WIF1: variants seen among roughly 807,000 people sequenced by gnomAD.
WIF1 encodes Wnt inhibitory factor 1.
A neutral mutation model predicts 53.5 loss-of-function variants in WIF1; 35 were observed. That is an observed-to-expected ratio of 0.65 (90% CI 0.50 to 0.87). The LOEUF is 0.87. WIF1 is among the 40% of genes least tolerant of loss of function. The probability of loss-of-function intolerance (pLI) is 0.00; values close to 1 mark genes in which losing one functional copy is unlikely to be tolerated. For synonymous variants in WIF1, 171 were observed against 170.4 expected (o/e 1.00, Z -0.03); for missense variants, 467 against 476.8 (o/e 0.98, Z 0.19).
intron 9 of WIF1, among the ~76,000 whole-genome samples, chr12:65,054,720 A>G (rs1328049548): frequency 6.6e-6 from 1 of 152,218 alleles, no homozygotes; most frequent in Non-Finnish European, 1.5e-5. Context: ...AATCAGAGGT[A>G]AGGAGACACT....
intron 2 of WIF1, among the ~76,000 whole-genome samples, chr12:65,078,267 C>A (rs1469203699): frequency 6.6e-6 from 1 of 152,080 alleles, no homozygotes; most frequent in Non-Finnish European, 1.5e-5. Flanking sequence ...TTAGTAGAGA[C>A]AGGGTTTCAC....
intron 7 of WIF1, 81 bp downstream of exon 7, chr12:65,062,400 T>C: frequency 1.7e-6 from 2 of 1,209,982 alleles, no homozygotes; most frequent in Non-Finnish European, 2.3e-6. Context: ...GGCTTCCGAC[T>C]CCTCCTTGAT....
At chr12:65,083,231 C>T (rs1024277721) in intron 2 of WIF1, among the ~76,000 whole-genome samples, 3 of 152,022 alleles carry the variant, frequency 2.0e-5, no homozygotes, top group Non-Finnish European at 2.9e-5. Context: ...ATAGATCGTA[C>T]GCTGTAAGTG....
At chr12:65,088,541 T>C (rs1168603665) in intron 2 of WIF1, among the ~76,000 whole-genome samples, 1 of 152,166 alleles carries the variant, frequency 6.6e-6, no homozygotes, top group Non-Finnish European at 1.5e-5. Context: ...CAGTCTTTAC[T>C]ACGGTATGGT....
At chr12:65,110,368 T>C (rs1883412041) in intron 2 of WIF1, among the ~76,000 whole-genome samples, 1 of 151,988 alleles carries the variant, frequency 6.6e-6, no homozygotes, top group Admixed American at 6.6e-5. Flanking sequence ...GTAGCCTTTC[T>C]CCCTGTGCCT....
chr12:65,056,267 CT>C (rs370267621), intron 7 of WIF1, 141 bp from the exon 8 acceptor site: 36,552 of 448,948 alleles, frequency 0.081, no homozygotes, highest in East Asian at 0.12. Flanking sequence ...TCTACTCTGG[CT>C]TTTTTTTTTT....
intron 9 of WIF1, among the ~76,000 whole-genome samples, chr12:65,053,940 C>T (rs994145661): frequency 6.6e-6 from 1 of 151,844 alleles, no homozygotes; most frequent in African/African-American, 2.4e-5. Context: ...TCCACACTCA[C>T]TGGGTTGCAT....
At chr12:65,112,851 G>C (rs763411223) in intron 2 of WIF1, among the ~76,000 whole-genome samples, 1 of 152,126 alleles carries the variant, frequency 6.6e-6, no homozygotes, top group African/African-American at 2.4e-5. Context: ...TCATTCTTTG[G>C]GATTAATTCA....
intron 2 of WIF1, among the ~76,000 whole-genome samples, chr12:65,113,834 A>G (rs1334949302): frequency 6.6e-6 from 1 of 152,348 alleles, no homozygotes; most frequent in South Asian, 2.1e-4. Flanking sequence ...TCCTGAAAAA[A>G]ATCATGCCCA....
Position 65,051,256 on chromosome 12 carries a change from A to G in WIF1, c.*93T>C, listed in dbSNP as rs552008624. 29 of 1,449,102 alleles carry G rather than the reference A, an allele frequency of 2.0e-5. No homozygotes were observed. The highest frequency in any genetic ancestry group is 1.4e-4 in the Admixed American group (6 of 41,392). The allele number at this position is 1,449,102 out of a possible 1,614,324, so 89.8% of individuals were successfully genotyped here. On this transcript the variant is annotated 3_prime_UTR_variant, in exon 10 of 10. Transcript: ENST00000286574. ...TAATAAAATTCAGGCCAGTATTCTT[A>G]AGTGTAATGAACATTATTTGAACAT...
intron 3 of WIF1, among the ~76,000 whole-genome samples, chr12:65,074,938 T>C (rs1882838491): frequency 6.6e-6 from 1 of 151,896 alleles, no homozygotes; most frequent in South Asian, 2.1e-4. Flanking sequence ...GGCTGGAGTG[T>C]CTTTCTCTTC....
chr12:65,117,882 A>AG (rs1883536845), intron 2 of WIF1, among the ~76,000 whole-genome samples: 1 of 152,172 alleles, frequency 6.6e-6, no homozygotes, highest in South Asian at 2.1e-4. Flanking sequence ...AGGGATGGGG[A>AG]GCATCTGTCA....
At chr12:65,092,598 G>T in intron 2 of WIF1, among the ~76,000 whole-genome samples, 1 of 151,816 alleles carries the variant, frequency 6.6e-6, no homozygotes, top group South Asian at 2.1e-4. Flanking sequence ...ACTAGAGACT[G>T]GAATAAAGTG....
In WIF1 at chr12:65,075,858, C is replaced by A. The variant is rs573912945; in HGVS notation, c.397+1888G>T. ...AAAAATGCAATAAGTGGTGAATATA[C>A]CTAATATACAACAAGCTTTGCAGAT... On this transcript the variant is annotated intron_variant, in intron 3 of 9. Coordinates refer to ENST00000286574, the MANE Select transcript of WIF1 (RefSeq NM_007191.5). 8.6e-4 allele frequency among the ~76,000 whole-genome samples: 130 copies of A among 151,984 alleles called. 2 individuals carry two copies. In the Middle Eastern group the frequency reaches 0.01, roughly 12 times the overall value.
At chr12:65,099,310 T>A (rs1449431022) in intron 2 of WIF1, among the ~76,000 whole-genome samples, 1 of 152,166 alleles carries the variant, frequency 6.6e-6, no homozygotes, top group Non-Finnish European at 1.5e-5. Flanking sequence ...ATGGGAATGA[T>A]TGAGAATGAT....
At chr12:65,087,180 T>C (rs995658763) in intron 2 of WIF1, among the ~76,000 whole-genome samples, 1 of 151,994 alleles carries the variant, frequency 6.6e-6, no homozygotes, top group African/African-American at 2.4e-5. Flanking sequence ...ACAAAAATCC[T>C]AAGCAATTAC....
chr12:65,108,595 C>T (rs1319090285), intron 2 of WIF1, among the ~76,000 whole-genome samples: 1 of 152,174 alleles, frequency 6.6e-6, no homozygotes, highest in East Asian at 1.9e-4. Context: ...TCCATTAACA[C>T]CCATGCTCAA....
At chr12:65,120,346 C>T in intron 2 of WIF1, 71 bp downstream of exon 2, 1 of 1,498,356 alleles carries the variant, frequency 6.7e-7, no homozygotes, top group South Asian at 1.4e-5. Context: ...CCAGGCTACA[C>T]ACTATACAGT....
chr12:65,081,883 A>G (rs868156175), intron 2 of WIF1, among the ~76,000 whole-genome samples: 2 of 152,104 alleles, frequency 1.3e-5, no homozygotes, highest in South Asian at 2.1e-4. Flanking sequence ...AGAAAAAAGA[A>G]AAATTTTAAC....
Sources: gnomAD v4.1 joint callset for allele counts (sites outside exome capture counted in the v4.1 genomes callset) on GRCh38, gnomAD v4.1.1 for gene constraint, MANE v1.5 for transcripts, NCBI Gene and HGNC (gene_info 2026-07-23, HGNC 2026-07-21) for gene names.